SOX5: variants seen among roughly 807,000 people sequenced by gnomAD.
SOX5 encodes the protein transcription factor SOX-5.
SOX5 carries 9 observed loss-of-function variants against 92.0 expected under a neutral mutation model. The ratio of observed to expected loss-of-function variants is 0.10; its 90% confidence interval spans 0.06 to 0.17. The LOEUF is 0.17. Ranked by LOEUF, SOX5 falls within the 10% of genes least tolerant of loss-of-function variation. SOX5 has a pLI of 1.00. For synonymous variants in SOX5, 344 were observed against 336.3 expected (o/e 1.02, Z -0.25); for missense variants, 642 against 944.5 (o/e 0.68, Z 4.20).
At chr12:23,920,148 A>T (rs931875223) in intron 1 of SOX5, 2 of 151,918 alleles carry the variant, frequency 1.3e-5, no homozygotes, top group Admixed American at 6.6e-5. Flanking sequence ...AATCTCTGCT[A>T]AAAAAAACCC....
At chr12:23,756,220 C>T (rs1187672290) in intron 3 of SOX5, among the ~76,000 whole-genome samples, 1 of 150,312 alleles carries the variant, frequency 6.7e-6, no homozygotes, top group Non-Finnish European at 1.5e-5. Context: ...GTAAGATTTG[C>T]CAGTACTGCG....
intron 1 of SOX5, among the ~76,000 whole-genome samples, chr12:24,560,945 A>T (rs144591247): frequency 8.3e-4 from 126 of 152,278 alleles, no homozygotes; most frequent in African/African-American, 3.0e-3. Context: ...ATTATTTATG[A>T]AAAGCAAGGA....
chr12:24,541,333 C>T (rs1952107176), intron 1 of SOX5, among the ~76,000 whole-genome samples: 1 of 152,158 alleles, frequency 6.6e-6, no homozygotes, highest in Non-Finnish European at 1.5e-5. Flanking sequence ...AGGTTGCTTT[C>T]ATTATTTGTA....
intron 4 of SOX5, among the ~76,000 whole-genome samples, chr12:24,036,585 C>T (rs1289759080): frequency 1.3e-5 from 2 of 152,046 alleles, no homozygotes; most frequent in African/African-American, 4.8e-5. Context: ...CACTGTAAGC[C>T]GTGCCCCTCA....
In SOX5 at chr12:24,523,202, G is replaced by A. The variant is rs114687139; in HGVS notation, c.-251+39127C>T. Among the ~76,000 whole-genome samples, 984 of 152,060 alleles carry A rather than the reference G, an allele frequency of 6.5e-3. 12 individuals carry two copies. The highest frequency in any genetic ancestry group is 0.021 in the African/African-American group (867 of 41,504). On this transcript the variant is annotated intron_variant, in intron 1 of 4. Coordinates refer to the SOX5 transcript ENST00000446891. ...AGTTAAATAAGGAGGTAAAAGACTC[G>A]TACACTGAAAACTATAAAACATTGG... is the stretch of plus-strand genomic sequence containing the variant.
chr12:23,667,657 G>A (rs541866424), intron 6 of SOX5, among the ~76,000 whole-genome samples: 1 of 152,198 alleles, frequency 6.6e-6, no homozygotes, highest in Non-Finnish European at 1.5e-5. Flanking sequence ...TGCATCTCCT[G>A]TCTCAATCTA....
At chr12:24,238,439 C>T (rs913131029) in intron 3 of SOX5, among the ~76,000 whole-genome samples, 1 of 152,142 alleles carries the variant, frequency 6.6e-6, no homozygotes, top group African/African-American at 2.4e-5. Flanking sequence ...GTAGCCTCAA[C>T]CCCCCAGGCT....
intron 2 of SOX5, among the ~76,000 whole-genome samples, chr12:23,855,744 A>G (rs981883018): frequency 6.6e-6 from 1 of 152,136 alleles, no homozygotes; most frequent in Non-Finnish European, 1.5e-5. Context: ...GCTATGCTCC[A>G]GCAGCACCTT....
chr12:24,442,377 T>A (rs7138457), intron 1 of SOX5, among the ~76,000 whole-genome samples: 35,412 of 152,080 alleles, frequency 0.23, 4,943 homozygotes, highest in East Asian at 0.66. Flanking sequence ...CAAAACTCCC[T>A]GTATCCAAGA....
chr12:24,419,946 T>A (rs1364859015), intron 1 of SOX5, among the ~76,000 whole-genome samples: 1 of 152,192 alleles, frequency 6.6e-6, no homozygotes, highest in Non-Finnish European at 1.5e-5. Flanking sequence ...AAAGATAAAC[T>A]GTGAAAGAAG....
At chr12:24,412,846 C>T (rs1964362950) in intron 1 of SOX5, among the ~76,000 whole-genome samples, 2 of 150,990 alleles carry the variant, frequency 1.3e-5, no homozygotes, top group Admixed American at 1.3e-4. Context: ...GCTCCGCCTC[C>T]TGGGTTCACA....
At chr12:24,421,944 G>A (rs1174554900) in intron 1 of SOX5, among the ~76,000 whole-genome samples, 1 of 152,132 alleles carries the variant, frequency 6.6e-6, no homozygotes, top group African/African-American at 2.4e-5. Flanking sequence ...CTGGACAAAG[G>A]GCATTCTTTC....
chr12:24,548,345 G>A (rs12311778), intron 1 of SOX5, among the ~76,000 whole-genome samples: 31,816 of 152,208 alleles, frequency 0.21, 3,864 homozygotes, highest in African/African-American at 0.33. Flanking sequence ...CAGAGTGAGA[G>A]ATATTCAGCT....
Position 24,398,763 on chromosome 12 carries a change from C to T in SOX5, c.-250-30124G>A, listed in dbSNP as rs1222289965. On this transcript the variant is annotated intron_variant, in intron 1 of 4. Coordinates refer to the SOX5 transcript ENST00000446891. ...AAACCCACATCCTCTGCTATTATTG[C>T]ACATCTAATAACAGGAAGGGTTTTG... Among the ~76,000 whole-genome samples, 6 of 152,270 alleles carry T rather than the reference C, an allele frequency of 3.9e-5. No individual in the cohort carries two copies. The South Asian group carries it at 6.2e-4, about 16-fold the overall frequency.
At chr12:24,231,280 C>A (rs1016345885) in intron 3 of SOX5, among the ~76,000 whole-genome samples, 1 of 152,180 alleles carries the variant, frequency 6.6e-6, no homozygotes. Flanking sequence ...TTTCAACACA[C>A]ATGTTTAGAA....
At position 24,351,568 on chromosome 12, in the gene SOX5, T is replaced by G. The variant is rs1343513862; in HGVS notation, c.-174+16995A>C. Among the ~76,000 whole-genome samples the G allele has an allele frequency of 2.6e-5, 4 of 152,218 alleles. No homozygotes were observed. In the East Asian group the frequency reaches 7.7e-4, roughly 29 times the overall value. ...TAGGTTGAAAGAACAGCTTAATTCC[T>G]TTCCTCTATACTTAAAGTATCATTT... On this transcript the variant is annotated intron_variant, in intron 2 of 4. Coordinates refer to the SOX5 transcript ENST00000446891.
intron 12 of SOX5, among the ~76,000 whole-genome samples, chr12:23,544,146 CAA>C (rs1942669773): frequency 6.6e-6 from 1 of 152,064 alleles, no homozygotes; most frequent in Admixed American, 6.6e-5. Context: ...TAAAGTTATC[CAA>C]AGAGTCCCAT....
rs61756181 is a variant in SOX5 at position 23,534,420 on chromosome 12, G to A, written c.2091C>T (p.Ser697=). Residue 697 remains serine (S), a synonymous_variant, in exon 15 of 15, where the codon AGC becomes AGT. Transcript: ENST00000451604. ...PSPHLPSEHS[S]VSSSPEPGMP... Reference sequence around the variant, plus strand: ...TCCCAGGCTCTGGGCTGCTAGACACGCTTGAGTGCTCCGAGGGCAGGTGAG... The same window carrying A: ...TCCCAGGCTCTGGGCTGCTAGACACACTTGAGTGCTCCGAGGGCAGGTGAG... 35,860 of 1,614,068 alleles carry A rather than the reference G, an allele frequency of 0.022. 1,329 individuals carry two copies. The highest frequency in any genetic ancestry group is 0.12 in the East Asian group (5,595 of 44,858).
At chr12:24,057,354 C>A (rs151307916) in intron 4 of SOX5, among the ~76,000 whole-genome samples, 2 of 152,164 alleles carry the variant, frequency 1.3e-5, no homozygotes, top group African/African-American at 4.8e-5. Flanking sequence ...TGAAGCACAG[C>A]AAACATTGTT....
Sources: gnomAD v4.1 joint callset for allele counts (sites outside exome capture counted in the v4.1 genomes callset) on GRCh38, gnomAD v4.1.1 for gene constraint, MANE v1.5 for transcripts, NCBI Gene and HGNC (gene_info 2026-07-23, HGNC 2026-07-21) for gene names.